The following TNRC6A variants were observed in gnomAD, a reference collection of about 807,000 sequenced individuals.
TNRC6A encodes the protein trinucleotide repeat containing adaptor 6A, also known as trinucleotide repeat-containing gene 6A protein.
TNRC6A carries 44 observed loss-of-function variants against 221.2 expected under a neutral mutation model. The ratio of observed to expected loss-of-function variants is 0.20; its 90% CI spans 0.16 to 0.26. The LOEUF (loss-of-function observed/expected upper bound fraction) is 0.26, where lower values mean the gene tolerates loss of function less well. TNRC6A is among the 10% of genes least tolerant of loss of function. The probability of loss-of-function intolerance (pLI) is 1.00; values close to 1 mark genes in which losing one functional copy is unlikely to be tolerated. For missense variants in TNRC6A, 2,199 were observed against 2,404.4 expected (o/e 0.91, Z 1.79); for synonymous variants, 847 against 838.5 (o/e 1.01, Z -0.18).
chr16:24,801,885 A>G (rs1010895984), intron 11 of TNRC6A, among the ~76,000 whole-genome samples: 3 of 152,240 alleles, frequency 2.0e-5, no homozygotes, highest in Admixed American at 6.5e-5. Context: ...TTACAGGATT[A>G]GATGAAGAGA....
chr16:24,659,697 C>T (rs890396661), intron 2 of TNRC6A, among the ~76,000 whole-genome samples: 2 of 152,162 alleles, frequency 1.3e-5, no homozygotes, highest in Non-Finnish European at 2.9e-5. Context: ...CCTGTCTTGG[C>T]CTCCCAAAAT....
At chr16:24,776,478 T>C in intron 4 of TNRC6A, 1 of 985,468 alleles carries the variant, frequency 1.0e-6, no homozygotes, top group Non-Finnish European at 1.2e-6. Flanking sequence ...TCTTGTGTTG[T>C]CTTCCAAAGA....
At chr16:24,636,592 T>A in intron 1 of TNRC6A, among the ~76,000 whole-genome samples, 1 of 152,122 alleles carries the variant, frequency 6.6e-6, no homozygotes, top group East Asian at 1.9e-4. Flanking sequence ...TGGTCTTGAA[T>A]TCCTGGCCTC....
chr16:24,632,322 C>A (rs1901389831), intron 1 of TNRC6A, among the ~76,000 whole-genome samples: 1 of 152,142 alleles, frequency 6.6e-6, no homozygotes. Flanking sequence ...CAAAACAAAC[C>A]TGTCTCCCAA....
chr16:24,771,549 G>GTTATGTT (rs1555502119), intron 4 of TNRC6A, among the ~76,000 whole-genome samples: 6 of 101,050 alleles, frequency 5.9e-5, no homozygotes, highest in East Asian at 3.7e-4. Flanking sequence ...GTTATGTTAT[G>GTTATGTT]TTATGTTATG....
chr16:24,643,412 T>C (rs1902101741), intron 2 of TNRC6A, among the ~76,000 whole-genome samples: 1 of 152,002 alleles, frequency 6.6e-6, no homozygotes, highest in African/African-American at 2.4e-5. Flanking sequence ...AGGGCAGGCA[T>C]AGGGTCCTAA....
chr16:24,619,697 A>C (rs200237569), intron 1 of TNRC6A, among the ~76,000 whole-genome samples: 1 of 152,160 alleles, frequency 6.6e-6, no homozygotes, highest in East Asian at 1.9e-4. Flanking sequence ...CAGGATGACA[A>C]GGAGAGGAAC....
At chr16:24,805,855 A>T in intron 15 of TNRC6A, 122 bp downstream of exon 15, 1 of 1,273,138 alleles carries the variant, frequency 7.9e-7, no homozygotes, top group Non-Finnish European at 1.1e-6. Context: ...GTCCTCATGG[A>T]GCTTACAGTC....
Position 24,789,788 on chromosome 16 carries a change from G to T in TNRC6A, c.1146G>T (p.Gly382=). 6.2e-7 allele frequency: 1 copy of T among 1,614,128 alleles called. No homozygotes were observed. Reference sequence around the variant, plus strand: ...AGAACAATGGACTTGCCCTAAAAGGGCCTGTAGGGAGTGGTAGTTCTGGCA... The same window carrying T: ...AGAACAATGGACTTGCCCTAAAAGGTCCTGTAGGGAGTGGTAGTTCTGGCA... ...VLENNGLALK[G]PVGSGSSGIN... The change falls in exon 6 of 25, where the codon GGG becomes GGT. Residue 382 remains glycine (G), a synonymous_variant. Coordinates refer to ENST00000395799, the MANE Select transcript of TNRC6A (RefSeq NM_014494.4).
rs2058032897 is a variant in TNRC6A, at chr16:24,788,907, C to A, written c.590-325C>A. ...TCGTGATCCACCCACCTCGGCCTTC[C>A]AGAGTGCTGGGATTACAAGCGTGAG... On this transcript the variant is annotated intron_variant, in intron 5 of 24. Coordinates refer to ENST00000395799, the MANE Select transcript of TNRC6A (RefSeq NM_014494.4). Among the ~76,000 whole-genome samples, 5 of 152,320 alleles carry A rather than the reference C, an allele frequency of 3.3e-5. No individual in the cohort carries two copies. In the East Asian group the frequency reaches 9.6e-4, roughly 29 times the overall value.
At chr16:24,690,556 T>C (rs1413346874) in intron 2 of TNRC6A, among the ~76,000 whole-genome samples, 1 of 152,068 alleles carries the variant, frequency 6.6e-6, no homozygotes, top group Non-Finnish European at 1.5e-5. Flanking sequence ...CAAGTATTAT[T>C]TTACTTCATC....
At chr16:24,687,939 C>CTT (rs2055672203) in intron 2 of TNRC6A, among the ~76,000 whole-genome samples, 2 of 125,550 alleles carry the variant, frequency 1.6e-5, no homozygotes, top group Non-Finnish European at 3.4e-5. Flanking sequence ...CTTTTCTTTT[C>CTT]TTTTCTTTTC....
chr16:24,762,838 A>G (rs1194384927), intron 4 of TNRC6A, among the ~76,000 whole-genome samples: 3 of 152,212 alleles, frequency 2.0e-5, no homozygotes, highest in African/African-American at 4.8e-5. Context: ...CTGCAGTTAC[A>G]TGGAAGACAA....
chr16:24,786,813 C>G (rs1251974273), intron 5 of TNRC6A, among the ~76,000 whole-genome samples: 1 of 152,194 alleles, frequency 6.6e-6, no homozygotes, highest in Non-Finnish European at 1.5e-5. Flanking sequence ...TCCTGAGTAG[C>G]TGGGACTGCA....
chr16:24,769,024 T>C (rs2057534704), intron 4 of TNRC6A, among the ~76,000 whole-genome samples: 1 of 152,254 alleles, frequency 6.6e-6, no homozygotes, highest in Non-Finnish European at 1.5e-5. Context: ...TGACATAAAG[T>C]ATTTTAAACA....
chr16:24,784,071 G>A (rs536233229), intron 5 of TNRC6A, among the ~76,000 whole-genome samples: 21 of 151,546 alleles, frequency 1.4e-4, no homozygotes, highest in Admixed American at 6.6e-4. Flanking sequence ...GTGCGATCTC[G>A]ACTCACTGCA....
intron 22 of TNRC6A, chr16:24,821,690 C>A: frequency 5.5e-6 from 1 of 182,108 alleles, no homozygotes; most frequent in South Asian, 1.4e-4. Flanking sequence ...CTGGAATCCC[C>A]TTAAAGCTTC....
At position 24,800,386 on chromosome 16, in the gene TNRC6A, C is replaced by T. The variant is rs2058307555; in HGVS notation, c.3694+2420C>T. Among the ~76,000 whole-genome samples the T allele has an allele frequency of 3.9e-5, 6 of 152,314 alleles. No individual in the cohort carries two copies. The South Asian group carries it at 8.3e-4, about 21-fold the overall frequency. On this transcript the variant is annotated intron_variant, in intron 11 of 24. Coordinates refer to ENST00000395799, the MANE Select transcript of TNRC6A (RefSeq NM_014494.4). ...GTAAGCCTATTAATTTGGTTAGCTA[C>T]TTTCAGGCAATGGCATATATGGTAA...
intron 2 of TNRC6A, among the ~76,000 whole-genome samples, chr16:24,641,290 T>C (rs1345709776): frequency 2.0e-5 from 3 of 152,156 alleles, no homozygotes; most frequent in Admixed American, 2.0e-4. Context: ...GTGAGTCCTC[T>C]TCCAGCCATT....
Sources: gnomAD v4.1 joint callset for allele counts (sites outside exome capture counted in the v4.1 genomes callset) on GRCh38, gnomAD v4.1.1 for gene constraint, MANE v1.5 for transcripts, NCBI Gene and HGNC (gene_info 2026-07-23, HGNC 2026-07-21) for gene names.